LEPROTL1: variants seen among roughly 807,000 people sequenced by gnomAD.
The protein encoded by LEPROTL1 is leptin receptor overlapping transcript like 1.
Under a neutral mutation model 15.4 loss-of-function variants are expected in LEPROTL1, and 6 were observed. The ratio of observed to expected loss-of-function variants is 0.39; its 90% CI spans 0.21 to 0.77. The LOEUF is 0.77. Ranked by LOEUF, LEPROTL1 falls within the 30% of genes least tolerant of loss-of-function variation. The pLI is 0.41. For synonymous variants in LEPROTL1, 56 were observed against 52.6 expected, an observed-to-expected ratio of 1.06 and a Z score of -0.28; for missense variants, 128 against 158.1, an observed-to-expected ratio of 0.81 and a Z score of 1.02.
At chr8:30,113,254 A>G (rs1008430848), downstream of LEPROTL1, among the ~76,000 whole-genome samples, 5 of 152,088 alleles carry the variant, frequency 3.3e-5, no homozygotes, top group Non-Finnish European at 7.3e-5. Flanking sequence ...CCAGCCTGCA[A>G]AACAGAGCAA....
At chr8:30,131,196 A>AT (rs1287000318) in intron 3 of LEPROTL1, among the ~76,000 whole-genome samples, 1 of 151,394 alleles carries the variant, frequency 6.6e-6, no homozygotes, top group African/African-American at 2.4e-5. Context: ...GGCTCAAGAG[A>AT]TCCTTCTCAG....
At chr8:30,132,589 G>T (rs1424672742) in intron 4 of LEPROTL1, 1 of 1,551,758 alleles carries the variant, frequency 6.4e-7, no homozygotes, top group South Asian at 1.2e-5. Context: ...CCTGCTCACT[G>T]CCACGTTTAG....
chr8:30,103,681 G>A (rs1457977978), intron 2 of LEPROTL1, among the ~76,000 whole-genome samples: 2 of 151,074 alleles, frequency 1.3e-5, no homozygotes, highest in Non-Finnish European at 2.9e-5. Context: ...GGCAGAAGTT[G>A]CAGTGAGCCG....
At chr8:30,097,301 C>T (rs957947041) in intron 1 of LEPROTL1, among the ~76,000 whole-genome samples, 1 of 150,030 alleles carries the variant, frequency 6.7e-6, no homozygotes, top group Non-Finnish European at 1.5e-5. Context: ...ATTTATTTAA[C>T]CTCTAATTGG....
intron 2 of LEPROTL1, among the ~76,000 whole-genome samples, chr8:30,103,271 A>G (rs938897288): frequency 2.0e-5 from 3 of 152,216 alleles, no homozygotes; most frequent in Non-Finnish European, 4.4e-5. Flanking sequence ...AGAAAACTGC[A>G]GGGACCCATT....
chr8:30,109,159 CTT>C (rs1338067661), downstream of LEPROTL1, among the ~76,000 whole-genome samples: 4 of 152,066 alleles, frequency 2.6e-5, no homozygotes, highest in South Asian at 2.1e-4. Flanking sequence ...TTTCAGATAA[CTT>C]TTAATCAATG....
rs896312785 is a variant in LEPROTL1, at chr8:30,106,566, A to G, written c.*704A>G. On this transcript the variant is annotated 3_prime_UTR_variant, in exon 4 of 4. Coordinates refer to ENST00000321250, the MANE Select transcript of LEPROTL1 (RefSeq NM_015344.3). ...CAATTGTTAGAAGAATTTATGTTAA[A>G]CTTTAAGGTAAGGGTGTAAAAACAT... 1.9e-5 allele frequency: 19 copies of G among 983,860 alleles called. No homozygotes were observed. Among genetic ancestry groups the G allele is most frequent in the Non-Finnish European group, 1.9e-5 (16 of 828,900 alleles). 60.9% of individuals were successfully genotyped at this position (983,860 alleles called of 1,614,324 possible).
At chr8:30,136,905 C>A (rs1004056213) in intron 4 of LEPROTL1, among the ~76,000 whole-genome samples, 15 of 152,050 alleles carry the variant, frequency 9.9e-5, no homozygotes, top group Non-Finnish European at 1.3e-4. Context: ...CCAGGCTGGT[C>A]TTGAACTCCT....
chr8:30,127,863 T>A (rs1802930731), intron 3 of LEPROTL1, among the ~76,000 whole-genome samples: 1 of 151,588 alleles, frequency 6.6e-6, no homozygotes, highest in Non-Finnish European at 1.5e-5. Flanking sequence ...TTCCAGAAGG[T>A]TAGTGATTGA....
downstream of LEPROTL1, among the ~76,000 whole-genome samples, chr8:30,110,648 C>T (rs1289819400): frequency 3.3e-5 from 5 of 151,896 alleles, no homozygotes; most frequent in Non-Finnish European, 5.9e-5. Context: ...GCAGTAGAAT[C>T]GCTTGAACCC....
At chr8:30,102,081 C>T in intron 2 of LEPROTL1, 108 bp downstream of exon 2, 1 of 625,078 alleles carries the variant, frequency 1.6e-6, no homozygotes, top group Non-Finnish European at 2.8e-6. Flanking sequence ...GAGAAATGTT[C>T]ACTTACCAAA....
At chr8:30,101,873 G>T (rs775357530) in intron 1 of LEPROTL1, 25 bp from the exon 2 acceptor site, 1 of 1,430,650 alleles carries the variant, frequency 7.0e-7, no homozygotes, top group East Asian at 2.3e-5. Flanking sequence ...TTATATTCCT[G>T]TTGCACTTTT....
intron 3 of LEPROTL1, among the ~76,000 whole-genome samples, chr8:30,125,446 A>C (rs1226642099): frequency 6.6e-6 from 1 of 152,226 alleles, no homozygotes; most frequent in South Asian, 2.1e-4. Context: ...AATGGAAGGA[A>C]TATAATAGGA....
chr8:30,104,404 G>A lies in LEPROTL1; in HGVS notation c.197G>A (p.Cys66Tyr). ...GATACAGATGCTATGAGTAACGCTTGTAAGGAACTTGCCATCTTTCTTACA... is the reference window on the plus strand; with the variant it reads ...GATACAGATGCTATGAGTAACGCTTATAAGGAACTTGCCATCTTTCTTACA... ...VDDTDAMSNACKELAIFLTTG... is the reference protein window; with the variant it reads ...VDDTDAMSNAYKELAIFLTTG... The change falls in exon 3 of 4, where the codon TGT becomes TAT. Residue 66 changes from cysteine (C) to tyrosine (Y), a missense_variant. Cys to Tyr is a radical substitution (Grantham distance 194, BLOSUM62 -2). Transcript: ENST00000321250. 1.9e-6 allele frequency: 3 copies of A among 1,612,808 alleles called. No individual in the cohort carries two copies. The highest frequency in any genetic ancestry group is 1.3e-5 in the African/African-American group (1 of 74,996).
In LEPROTL1 at chr8:30,106,904, G is replaced by A. The variant is rs570133462; in HGVS notation, c.*1042G>A. The A allele has an allele frequency of 2.0e-6, 2 of 983,990 alleles. No individual in the cohort carries two copies. The highest frequency in any genetic ancestry group is 9.4e-5 in the South Asian group (2 of 21,248). The allele number at this position is 983,990 out of a possible 1,614,324, so 61.0% of individuals were successfully genotyped here. A position where few individuals can be genotyped will look rare whatever the true frequency, so the allele number is the denominator to read the frequency against. On this transcript the variant is annotated 3_prime_UTR_variant, in exon 4 of 4. Coordinates refer to ENST00000321250, the MANE Select transcript of LEPROTL1 (RefSeq NM_015344.3). ...ATATAGTTTAATAACACTTAGAAGT[G>A]TTTACTTACCTGGAAAATAATTGCT...
chr8:30,095,632 C>G (rs1009292069), intron 1 of LEPROTL1, 104 bp downstream of exon 1: 1 of 970,312 alleles, frequency 1.0e-6, no homozygotes, highest in Non-Finnish European at 1.4e-6. Flanking sequence ...CGCGCGCGCG[C>G]GTGGGGTCCC....
chr8:30,132,445 G>A lies in LEPROTL1; in HGVS notation c.350G>A (p.Arg117His), dbSNP rs1219847771. Reference sequence around the variant, plus strand: ...CTGACCAAGCTCAGGCCCAAAGCCCGCTGCGTGGAGGAGGGAGTCGTCCAG... The same window carrying A: ...CTGACCAAGCTCAGGCCCAAAGCCCACTGCGTGGAGGAGGGAGTCGTCCAG... Residue 117 changes from arginine to histidine, a missense_variant, in exon 4 of 5, where the codon CGC (arginine) becomes CAC (histidine). Coordinates refer to the LEPROTL1 transcript ENST00000442880. 1.2e-5 allele frequency: 18 copies of A among 1,551,600 alleles called. No individual in the cohort carries two copies. The highest frequency in any genetic ancestry group is 1.7e-4 in the Middle Eastern group (1 of 6,014).
chr8:30,125,193 G>C (rs1349522818), intron 3 of LEPROTL1, among the ~76,000 whole-genome samples: 1 of 152,168 alleles, frequency 6.6e-6, no homozygotes, highest in Non-Finnish European at 1.5e-5. Flanking sequence ...TACTTCCTTA[G>C]AAATAATCTG....
intron 3 of LEPROTL1, among the ~76,000 whole-genome samples, chr8:30,129,615 G>T (rs1370839609): frequency 6.6e-6 from 1 of 151,918 alleles, no homozygotes; most frequent in Non-Finnish European, 1.5e-5. Context: ...TGAGGCAGGA[G>T]AATCGCTTGA....
Sources: gnomAD v4.1 joint callset for allele counts (sites outside exome capture counted in the v4.1 genomes callset) on GRCh38, gnomAD v4.1.1 for gene constraint, MANE v1.5 for transcripts, NCBI Gene and HGNC (gene_info 2026-07-23, HGNC 2026-07-21) for gene names.